IQSEC1: variants seen among roughly 807,000 people sequenced by gnomAD.
The protein encoded by IQSEC1 is IQ motif and SEC7 domain-containing protein 1.
Under a neutral mutation model 91.0 loss-of-function variants are expected in IQSEC1, and 31 were observed. That is an observed-to-expected ratio of 0.34 (90% CI 0.26 to 0.46). IQSEC1 has a LOEUF of 0.46. Ranked by LOEUF, IQSEC1 falls within the 20% of genes least tolerant of loss-of-function variation. IQSEC1 has a pLI of 1.00. For synonymous variants in IQSEC1, 699 were observed against 662.6 expected, an observed-to-expected ratio of 1.05 and a Z score of -0.84; for missense variants, 1,388 against 1,575.6, an observed-to-expected ratio of 0.88 and a Z score of 2.02.
At chr3:13,056,258 G>A (rs1005248960) in intron 1 of IQSEC1, among the ~76,000 whole-genome samples, 12 of 152,108 alleles carry the variant, frequency 7.9e-5, no homozygotes, top group African/African-American at 2.4e-4. Flanking sequence ...TACAGGCTTG[G>A]GGGAGGGGTG....
intron 1 of IQSEC1, among the ~76,000 whole-genome samples, chr3:13,277,808 G>A (rs1442702661): frequency 6.6e-6 from 1 of 152,178 alleles, no homozygotes; most frequent in East Asian, 1.9e-4. Context: ...GCCTCACTCA[G>A]TCTCTCTACA....
At chr3:13,196,407 C>T (rs114361737) in intron 1 of IQSEC1, among the ~76,000 whole-genome samples, 2,692 of 152,370 alleles carry the variant, frequency 0.018, 26 homozygotes, top group Middle Eastern at 0.044. Flanking sequence ...CTGTTCTACA[C>T]CACTAAGGTT....
At chr3:12,939,007 GAA>G (rs1027493982) in intron 2 of IQSEC1, among the ~76,000 whole-genome samples, 4 of 152,178 alleles carry the variant, frequency 2.6e-5, no homozygotes, top group African/African-American at 4.8e-5. Flanking sequence ...AGGCCCGGTC[GAA>G]AAGTTTCCCG....
chr3:13,022,114 G>A, intron 1 of IQSEC1: 1 of 1,231,844 alleles, frequency 8.1e-7, no homozygotes, highest in South Asian at 4.1e-5. Context: ...TGGCTCGGTG[G>A]AGGAGCGAGT....
Position 12,899,229 on chromosome 3 carries a change from C to CAG in IQSEC1, c.*1752_*1753dup, listed in dbSNP as rs1204306784. 4 of 747,750 alleles carry CAG rather than the reference C, an allele frequency of 5.3e-6. No homozygotes were observed. In the East Asian group the frequency reaches 1.1e-4, roughly 21 times the overall value. The allele number at this position is 747,750 out of a possible 1,614,324, so 46.3% of individuals were successfully genotyped here. A position where few individuals can be genotyped will look rare whatever the true frequency, so the allele number is the denominator to read the frequency against. On this transcript the variant is annotated 3_prime_UTR_variant, in exon 14 of 14. Coordinates refer to ENST00000613206, the MANE Select transcript of IQSEC1 (RefSeq NM_001134382.3). ...CCAGCCAGCCAAGGTGACACACAGC[C>CAG]AGAGGGGGCTCCCCTCTCCTCCTGC...
At chr3:13,219,398 G>A (rs888814170) in intron 1 of IQSEC1, among the ~76,000 whole-genome samples, 1 of 152,122 alleles carries the variant, frequency 6.6e-6, no homozygotes, top group Non-Finnish European at 1.5e-5. Flanking sequence ...CCACCCCACA[G>A]CCCCCCAGGG....
intron 1 of IQSEC1, among the ~76,000 whole-genome samples, chr3:13,271,174 G>A (rs192428411): frequency 1.2e-3 from 189 of 152,028 alleles, no homozygotes; most frequent in Non-Finnish European, 1.9e-3. Context: ...TCAGGGGATC[G>A]AAACCATCCT....
intron 1 of IQSEC1, chr3:13,052,946 T>A: frequency 9.3e-7 from 1 of 1,075,024 alleles, no homozygotes; most frequent in Non-Finnish European, 1.4e-6. Flanking sequence ...TCAATATGTG[T>A]GCCATCTCAT....
In IQSEC1 at chr3:12,901,208, G is replaced by T; in HGVS notation, c.3120C>A (p.Tyr1040Ter). The T allele has an allele frequency of 6.5e-7, 1 of 1,546,708 alleles. No homozygotes were observed. The change falls in exon 14 of 14, where the codon TAC becomes TAA. Residue 1040 changes from tyrosine (Y) to a stop codon, truncating the protein, a stop_gained. Coordinates refer to ENST00000613206, the MANE Select transcript of IQSEC1 (RefSeq NM_001134382.3). LOFTEE classifies it low-confidence loss of function (END_TRUNC). The stretch of plus-strand genomic sequence containing the variant: ...GTGGGTGGTGGTGGTGGTGATGGTG[G>T]TACGGGGGAGGGTTCTGCATGTGGC... ...QYCHMQNPPP[Y>*]HHHHHHHPPQ...
chr3:13,182,427 C>T (rs996926730), intron 1 of IQSEC1, among the ~76,000 whole-genome samples: 1 of 152,176 alleles, frequency 6.6e-6, no homozygotes, highest in African/African-American at 2.4e-5. Flanking sequence ...TATTGTGTGT[C>T]AGGCACTGTT....
At chr3:13,203,862 C>A (rs1364890905) in intron 1 of IQSEC1, among the ~76,000 whole-genome samples, 2 of 152,208 alleles carry the variant, frequency 1.3e-5, no homozygotes, top group African/African-American at 4.8e-5. Context: ...CTAACACGTG[C>A]GGGGCCCTGA....
intron 2 of IQSEC1, among the ~76,000 whole-genome samples, chr3:13,122,540 G>A (rs138445271): frequency 3.3e-5 from 5 of 152,228 alleles, no homozygotes; most frequent in African/African-American, 9.6e-5. Context: ...GGGGAATGAG[G>A]AGCTTGCTAA....
rs940769539 is a variant in IQSEC1 at position 13,193,544 on chromosome 3, C to T, written c.273-29411G>A. Among the ~76,000 whole-genome samples, 1 of 151,950 alleles carries T rather than the reference C, an allele frequency of 6.6e-6. No homozygotes were observed. The highest frequency in any genetic ancestry group is 2.1e-4 in the South Asian group (1 of 4,812). The stretch of plus-strand genomic sequence containing the variant: ...GACGAAGAGGAGTGCCAGCCCAGGC[C>T]GCCAGGGTGACAGGAAGAAAGGGAG... On this transcript the variant is annotated intron_variant, in intron 1 of 15. Transcript: ENST00000648114. This position sits in a 1 kb window ranked among gnomAD's most constrained non-coding sequence, Gnocchi z 4.2.
chr3:13,043,448 C>T (rs1265645665), intron 1 of IQSEC1, among the ~76,000 whole-genome samples: 1 of 152,208 alleles, frequency 6.6e-6, no homozygotes, highest in Non-Finnish European at 1.5e-5. Context: ...ATCCGGCACA[C>T]CCTTTGGTTC....
intron 1 of IQSEC1, among the ~76,000 whole-genome samples, chr3:13,216,814 T>C (rs1014098599): frequency 1.3e-5 from 2 of 152,200 alleles, no homozygotes; most frequent in African/African-American, 4.8e-5. Flanking sequence ...TTCTATTCAT[T>C]AGCACATGGA....
intron 2 of IQSEC1, among the ~76,000 whole-genome samples, chr3:13,135,323 C>T (rs1486554256): frequency 6.6e-6 from 1 of 152,204 alleles, no homozygotes; most frequent in East Asian, 1.9e-4. Flanking sequence ...CCACACTGGC[C>T]CTATGGGTGG....
At chr3:13,182,876 A>T (rs1486140500) in intron 1 of IQSEC1, among the ~76,000 whole-genome samples, 1 of 152,240 alleles carries the variant, frequency 6.6e-6, no homozygotes, top group Admixed American at 6.5e-5. Flanking sequence ...AGAAATTAGA[A>T]AAAGTAGGCC....
chr3:12,988,812 A>G (rs1221390393), intron 1 of IQSEC1, among the ~76,000 whole-genome samples: 1 of 152,206 alleles, frequency 6.6e-6, no homozygotes, highest in Admixed American at 6.5e-5. Context: ...AGGTGACCAC[A>G]TTTAAAATAG....
chr3:13,082,402 C>T (rs536392583), intron 2 of IQSEC1, among the ~76,000 whole-genome samples: 1 of 152,302 alleles, frequency 6.6e-6, no homozygotes, highest in South Asian at 2.1e-4. Flanking sequence ...GGGAGGAAGG[C>T]GCAGGCCTGG....
Sources: allele counts gnomAD v4.1 joint callset (sites outside exome capture counted in the v4.1 genomes callset), GRCh38; gene constraint gnomAD v4.1.1; non-coding constraint Gnocchi (gnomAD v3.1); transcripts MANE v1.5; gene names NCBI Gene and HGNC (gene_info 2026-07-23, HGNC 2026-07-21).